Variants in LMO7 observed in about 807,000 individuals in gnomAD.
LMO7 encodes LIM domain only protein 7.
Under a neutral mutation model 206.5 loss-of-function variants are expected in LMO7, and 120 were observed. The observed-to-expected ratio is 0.58, with a 90% CI of 0.50 to 0.68. The LOEUF is 0.68. LMO7 is among the 30% of genes least tolerant of loss of function. The pLI, the probability that LMO7 is intolerant of heterozygous loss-of-function variation, is 0.00. For synonymous variants in LMO7, 706 were observed against 681.5 expected (o/e 1.04, Z -0.56); for missense variants, 1,959 against 1,957.9 (o/e 1.00, Z -0.01).
At chr13:75,735,515 G>T (rs2045730138) in intron 3 of LMO7, among the ~76,000 whole-genome samples, 1 of 152,174 alleles carries the variant, frequency 6.6e-6, no homozygotes, top group Non-Finnish European at 1.5e-5. Flanking sequence ...GGGCTGGAGA[G>T]CAGTGGGGTG....
At chr13:75,732,380 T>A in intron 3 of LMO7, among the ~76,000 whole-genome samples, 1 of 152,122 alleles carries the variant, frequency 6.6e-6, no homozygotes, top group Non-Finnish European at 1.5e-5. Flanking sequence ...TCATTTCATC[T>A]TCCATCACTG....
At chr13:75,690,317 C>T (rs1054757213) in intron 1 of LMO7, among the ~76,000 whole-genome samples, 1 of 152,070 alleles carries the variant, frequency 6.6e-6, no homozygotes, top group African/African-American at 2.4e-5. Flanking sequence ...GTGGTCCAGG[C>T]TGGGGGGTCT....
chr13:75,794,006 T>C (rs889700429), intron 4 of LMO7, among the ~76,000 whole-genome samples: 6 of 152,268 alleles, frequency 3.9e-5, no homozygotes, highest in African/African-American at 1.4e-4. Flanking sequence ...GTTATTTTCA[T>C]TGCCATATGA....
rs764070031 is a variant in LMO7 at position 75,836,437 on chromosome 13, G to A, written c.3374G>A (p.Ser1125Asn). The change falls in exon 19 of 31, where the codon AGC becomes AAC. Residue 1125 changes from serine (S) to asparagine (N), a missense_variant. Physicochemically the swap from Ser to Asn is conservative, Grantham distance 46. Coordinates refer to ENST00000377534, the MANE Select transcript of LMO7 (RefSeq NM_001306080.2). ...GAAATCAATGGAATTCATGATGAAA[G>A]CAATGCTTTTGAATCAAAAGGTAAA... ...SKEINGIHDE[S>N]NAFESKASES... is the part of the protein sequence containing the mutation. 5.6e-5 allele frequency: 86 copies of A among 1,526,686 alleles called. No individual in the cohort carries two copies. In the Admixed American group the frequency reaches 6.1e-4, roughly 11 times the overall value. The allele number at this position is 1,526,686 out of a possible 1,614,324, so 94.6% of individuals were successfully genotyped here. A position where few individuals can be genotyped will look rare whatever the true frequency, so the allele number is the denominator to read the frequency against.
intron 1 of LMO7, among the ~76,000 whole-genome samples, chr13:75,704,475 T>C (rs764012003): frequency 1.3e-5 from 2 of 152,220 alleles, no homozygotes; most frequent in Non-Finnish European, 2.9e-5. Flanking sequence ...GCTCACAGCC[T>C]AATGTTTGTC....
intron 1 of LMO7, among the ~76,000 whole-genome samples, chr13:75,684,548 T>A (rs1701706613): frequency 2.0e-5 from 1 of 50,208 alleles, no homozygotes; most frequent in East Asian, 2.1e-4. Context: ...CCCGGCCGGC[T>A]TTTTTTTTTT....
intron 3 of LMO7, among the ~76,000 whole-genome samples, chr13:75,732,972 G>C (rs933722379): frequency 6.6e-6 from 1 of 152,122 alleles, no homozygotes; most frequent in Admixed American, 6.5e-5. Context: ...CTGTCTGATC[G>C]TTCCTCTGGA....
At chr13:75,782,428 C>T (rs2051651807) in intron 4 of LMO7, among the ~76,000 whole-genome samples, 1 of 152,168 alleles carries the variant, frequency 6.6e-6, no homozygotes, top group African/African-American at 2.4e-5. Flanking sequence ...AAGCTTCAGT[C>T]TCACCTCTGT....
At chr13:75,695,860 C>G (rs1284429837) in intron 1 of LMO7, among the ~76,000 whole-genome samples, 1 of 152,180 alleles carries the variant, frequency 6.6e-6, no homozygotes, top group Non-Finnish European at 1.5e-5. Context: ...TTCATTTTCA[C>G]CAACTATTAC....
In LMO7 at chr13:75,629,862, C is replaced by T. The variant is rs186361517; in HGVS notation, c.225+6542C>T. ...GAGAGACCAAAAAGTCGTGCATGAC[C>T]CTCAAATTTTAGGCATGGTACCATT... On this transcript the variant is annotated intron_variant, in intron 2 of 29. Coordinates refer to the LMO7 transcript ENST00000341547. Among the ~76,000 whole-genome samples, 6 of 152,082 alleles carry T rather than the reference C, an allele frequency of 3.9e-5. No individual in the cohort carries two copies. In the East Asian group the frequency reaches 1.2e-3, roughly 29 times the overall value.
upstream of LMO7, among the ~76,000 whole-genome samples, chr13:75,634,582 A>T (rs2035490281): frequency 1.3e-5 from 2 of 152,134 alleles, no homozygotes; most frequent in Admixed American, 1.3e-4. Context: ...CTACTAAAAA[A>T]ATACAAAAAA....
rs557231845 is a variant in LMO7, at chr13:75,643,612, C to G, written c.69+6886C>G. On this transcript the variant is annotated intron_variant, in intron 1 of 30. Transcript: ENST00000377534. ...GAATTATGCATACCTGTACTTAACT[C>G]TTTAGTTTCAGAAGGTATTAAATAA... Among the ~76,000 whole-genome samples, 6 of 152,270 alleles carry G rather than the reference C, an allele frequency of 3.9e-5. No individual in the cohort carries two copies. The East Asian group carries it at 1.2e-3, about 29-fold the overall frequency.
chr13:75,647,144 G>A (rs2037104267), intron 1 of LMO7, among the ~76,000 whole-genome samples: 1 of 152,118 alleles, frequency 6.6e-6, no homozygotes, highest in South Asian at 2.1e-4. Context: ...AGTGCCTTAT[G>A]TACAAGGACT....
chr13:75,802,870 CAG>C (rs1477112021), intron 7 of LMO7, among the ~76,000 whole-genome samples: 9 of 152,128 alleles, frequency 5.9e-5, no homozygotes, highest in African/African-American at 2.2e-4. Flanking sequence ...TTTAGGATAA[CAG>C]AATTGCAATG....
intron 27 of LMO7, among the ~76,000 whole-genome samples, chr13:75,852,126 A>G (rs564721734): frequency 4.3e-4 from 65 of 152,168 alleles, no homozygotes; most frequent in Non-Finnish European, 8.5e-4. Flanking sequence ...AAGGATAAGT[A>G]TCAATCTTCT....
In LMO7 at chr13:75,841,952, G is replaced by C. The variant is rs768673165; in HGVS notation, c.4000G>C (p.Glu1334Gln). Residue 1334 changes from glutamate to glutamine, a missense_variant, in exon 24 of 31, where the codon GAA becomes CAA. Coordinates refer to ENST00000377534, the MANE Select transcript of LMO7 (RefSeq NM_001306080.2). ...EQKRQAEIER[E>Q]TSVRIYQYRR... ...GAAGCGCCAGGCAGAGATAGAGCGG[G>C]AAACATCAGTCAGAATATACCAGTA... 6.2e-7 allele frequency: 1 copy of C among 1,612,270 alleles called. No individual in the cohort carries two copies. The highest frequency in any genetic ancestry group is 1.1e-5 in the South Asian group (1 of 90,996).
chr13:75,706,101 G>A (rs901697146), intron 1 of LMO7, among the ~76,000 whole-genome samples: 1 of 152,144 alleles, frequency 6.6e-6, no homozygotes, highest in African/African-American at 2.4e-5. Context: ...CCTTTGAGAT[G>A]GGTACATTTA....
intron 13 of LMO7, among the ~76,000 whole-genome samples, chr13:75,820,890 G>A (rs1308448247): frequency 3.3e-5 from 5 of 151,978 alleles, no homozygotes; most frequent in African/African-American, 9.7e-5. Context: ...CCAGCTACTC[G>A]GGAGGCTGAG....
At chr13:75,830,729 T>A (rs1426806771) in intron 15 of LMO7, among the ~76,000 whole-genome samples, 2 of 152,196 alleles carry the variant, frequency 1.3e-5, no homozygotes, top group Non-Finnish European at 2.9e-5. Context: ...GTATGTCCAA[T>A]CTAATAGAAC....
Sources: allele counts gnomAD v4.1 joint callset (sites outside exome capture counted in the v4.1 genomes callset), GRCh38; gene constraint gnomAD v4.1.1; transcripts MANE v1.5; gene names NCBI Gene and HGNC (gene_info 2026-07-23, HGNC 2026-07-21).